Variants in MARCHF8 observed in about 807,000 individuals in gnomAD.
MARCHF8 encodes the protein E3 ubiquitin-protein ligase MARCHF8.
A neutral mutation model predicts 51.6 loss-of-function variants in MARCHF8; 40 were observed. That is an observed-to-expected ratio of 0.77 (90% CI 0.60 to 1.01). MARCHF8 has a LOEUF of 1.01. MARCHF8 is among the 50% of genes least tolerant of loss of function. The pLI is 0.00. For missense variants in MARCHF8, 685 were observed against 708.6 expected, an observed-to-expected ratio of 0.97 and a Z score of 0.38; for synonymous variants, 263 against 280.3, an observed-to-expected ratio of 0.94 and a Z score of 0.62.
chr10:45,561,370 G>C (rs2044308733), intron 1 of MARCHF8, among the ~76,000 whole-genome samples: 1 of 151,108 alleles, frequency 6.6e-6, no homozygotes, highest in Non-Finnish European at 1.5e-5. Context: ...CATCTCCTGA[G>C]CTCAAGCAAT....
chr10:45,591,011 C>T (rs2044674619), intron 1 of MARCHF8, among the ~76,000 whole-genome samples: 1 of 152,198 alleles, frequency 6.6e-6, no homozygotes, highest in African/African-American at 2.4e-5. Flanking sequence ...TCTCCCCCAC[C>T]CTTAAGAAGG....
chr10:45,501,319 T>A (rs559652956), intron 2 of MARCHF8, among the ~76,000 whole-genome samples: 2 of 152,240 alleles, frequency 1.3e-5, no homozygotes, highest in African/African-American at 2.4e-5. Flanking sequence ...GTGGTACTAG[T>A]GAAGAACCAG....
At chr10:45,565,085 G>A (rs1030471108) in intron 1 of MARCHF8, among the ~76,000 whole-genome samples, 3 of 151,362 alleles carry the variant, frequency 2.0e-5, no homozygotes, top group South Asian at 4.2e-4. Flanking sequence ...GAAGACACAC[G>A]CTGGCTGTTG....
At chr10:45,589,776 C>T (rs117888537) in intron 1 of MARCHF8, among the ~76,000 whole-genome samples, 1,766 of 152,310 alleles carry the variant, frequency 0.012, 8 homozygotes, top group Non-Finnish European at 0.02. Context: ...TAATAGTCCA[C>T]TGCATGGATA....
upstream of MARCHF8, among the ~76,000 whole-genome samples, chr10:45,536,669 G>T (rs1157295954): frequency 6.6e-6 from 1 of 151,414 alleles, no homozygotes; most frequent in Non-Finnish European, 1.5e-5. Flanking sequence ...CTTGTATCTA[G>T]AATATATAAA....
At chr10:45,539,840 C>G (rs936136701), upstream of MARCHF8, among the ~76,000 whole-genome samples, 15 of 152,248 alleles carry the variant, frequency 9.9e-5, no homozygotes, top group East Asian at 3.9e-4. Flanking sequence ...AGCTGATAAG[C>G]AACTTCAGCA....
intron 2 of MARCHF8, among the ~76,000 whole-genome samples, chr10:45,500,967 A>G (rs1204993536): frequency 1.3e-5 from 2 of 152,058 alleles, no homozygotes; most frequent in Non-Finnish European, 2.9e-5. Flanking sequence ...TTAGGTGCAC[A>G]TCAAGTAAAA....
At chr10:45,581,409 C>T (rs2044554117) in intron 1 of MARCHF8, among the ~76,000 whole-genome samples, 2 of 152,120 alleles carry the variant, frequency 1.3e-5, no homozygotes, top group Admixed American at 1.3e-4. Context: ...TAGAGGAGAC[C>T]TGAGGTAGTT....
rs544824800 is a variant in MARCHF8, at chr10:45,564,117, A to T, written c.-79+30118T>A. Among the ~76,000 whole-genome samples, 4 of 152,312 alleles carry T rather than the reference A, an allele frequency of 2.6e-5. No homozygotes were observed. The East Asian group carries it at 7.7e-4, about 29-fold the overall frequency. On this transcript the variant is annotated intron_variant, in intron 1 of 6. Transcript: ENST00000319836. ...ATGGTGAAACACTGTCTCTACTAAA[A>T]ATACAAAAATCAGCCAGATGTGGTG... is the stretch of plus-strand genomic sequence containing the variant.
At chr10:45,552,126 T>A (rs2044202572) in intron 1 of MARCHF8, among the ~76,000 whole-genome samples, 2 of 152,152 alleles carry the variant, frequency 1.3e-5, no homozygotes, top group Non-Finnish European at 2.9e-5. Context: ...ATGACTAAAC[T>A]TTGTATCCTT....
At chr10:45,499,338 C>G (rs781524757) in intron 2 of MARCHF8, among the ~76,000 whole-genome samples, 5 of 152,114 alleles carry the variant, frequency 3.3e-5, no homozygotes, top group African/African-American at 2.4e-5. Flanking sequence ...TAGATATTAT[C>G]CCTTTATCAG....
At chr10:45,499,390 T>C (rs1321828527) in intron 2 of MARCHF8, among the ~76,000 whole-genome samples, 2 of 152,220 alleles carry the variant, frequency 1.3e-5, no homozygotes, top group Non-Finnish European at 2.9e-5. Context: ...AAGTGGCCTT[T>C]CCACCCTGTC....
intron 1 of MARCHF8, among the ~76,000 whole-genome samples, chr10:45,547,757 C>T (rs1282949663): frequency 6.6e-6 from 1 of 152,102 alleles, no homozygotes; most frequent in Non-Finnish European, 1.5e-5. Flanking sequence ...ATGGAATTCA[C>T]ATTTGAAGTA....
Position 45,470,434 on chromosome 10 carries a change from C to T in MARCHF8, c.154-6107G>A, listed in dbSNP as rs138743053. Among the ~76,000 whole-genome samples the T allele has an allele frequency of 4.3e-3, 660 of 152,304 alleles. 3 individuals carry two copies. Among genetic ancestry groups the T allele is most frequent in the African/African-American group, 0.015 (629 of 41,566 alleles). On this transcript the variant is annotated intron_variant, in intron 3 of 7. Transcript: ENST00000453424. ...CTTGCGGTATCAATCTCTCTGACTT[C>T]CCTTTCTGCCACCAGTCAGAGAACG...
chr10:45,540,963 T>C (rs2133306061), intron 1 of MARCHF8, among the ~76,000 whole-genome samples: 1 of 152,342 alleles, frequency 6.6e-6, no homozygotes, highest in South Asian at 2.1e-4. Flanking sequence ...ACTTTTACAC[T>C]GTTGGTGGGA....
At chr10:45,594,107 T>A (rs1238653788) in intron 1 of MARCHF8, 2 of 152,234 alleles carry the variant, frequency 1.3e-5, no homozygotes, top group African/African-American at 4.8e-5. Context: ...ACATAAACCA[T>A]TATAACCCCC....
At chr10:45,477,716 G>A (rs962848421) in intron 3 of MARCHF8, among the ~76,000 whole-genome samples, 1 of 152,062 alleles carries the variant, frequency 6.6e-6, no homozygotes, top group African/African-American at 2.4e-5. Context: ...AAAGTACAGG[G>A]ATGAAAAAAG....
At chr10:45,552,550 C>G (rs2044207715) in intron 1 of MARCHF8, among the ~76,000 whole-genome samples, 1 of 152,016 alleles carries the variant, frequency 6.6e-6, no homozygotes, top group Non-Finnish European at 1.5e-5. Context: ...TATTTTAAAT[C>G]CCTTTGGGAA....
intron 1 of MARCHF8, among the ~76,000 whole-genome samples, chr10:45,544,012 G>A (rs2044089266): frequency 6.6e-6 from 1 of 151,968 alleles, no homozygotes; most frequent in Admixed American, 6.6e-5. Context: ...AGGCTACAGT[G>A]AGCTATGATC....
Sources: gnomAD v4.1 joint callset for allele counts (sites outside exome capture counted in the v4.1 genomes callset) on GRCh38, gnomAD v4.1.1 for gene constraint, MANE v1.5 for transcripts, NCBI Gene and HGNC (gene_info 2026-07-23, HGNC 2026-07-21) for gene names.